The following RASA3 variants were observed in gnomAD, a reference collection of about 807,000 sequenced individuals.
RASA3 encodes ras GTPase-activating protein 3.
A neutral mutation model predicts 110.0 loss-of-function variants in RASA3; 73 were observed. The observed-to-expected ratio is 0.66, with a 90% confidence interval of 0.55 to 0.81. The LOEUF is 0.81. Ranked by LOEUF, RASA3 falls within the 30% of genes least tolerant of loss-of-function variation. RASA3 has a pLI of 0.00. For synonymous variants in RASA3, 500 were observed against 451.4 expected, an observed-to-expected ratio of 1.11 and a Z score of -1.37; for missense variants, 976 against 1,113.2, an observed-to-expected ratio of 0.88 and a Z score of 1.75.
chr13:114,030,848 T>C (rs2054150973), intron 4 of RASA3, among the ~76,000 whole-genome samples: 1 of 152,056 alleles, frequency 6.6e-6, no homozygotes, highest in South Asian at 2.1e-4. Flanking sequence ...CAGCTGTGTG[T>C]CCTCCTGTGT....
Position 114,067,228 on chromosome 13 carries a change from TGAG to T in RASA3, c.173+6489_173+6491del, listed in dbSNP as rs2079472396. Among the ~76,000 whole-genome samples, 9 of 148,580 alleles carry T rather than the reference TGAG, an allele frequency of 6.1e-5. No individual in the cohort carries two copies. The South Asian group carries it at 1.7e-3, about 29-fold the overall frequency. The stretch of plus-strand genomic sequence containing the variant: ...CCCCCACCTGGGGCACTTCTGGGGC[TGAG>T]GATGGGCCCCCACCTGCGGACACCC... On this transcript the variant is annotated intron_variant, in intron 2 of 23. Coordinates refer to ENST00000334062, the MANE Select transcript of RASA3 (RefSeq NM_007368.4).
At chr13:114,043,556 A>G (rs1372716464) in intron 3 of RASA3, among the ~76,000 whole-genome samples, 2 of 151,978 alleles carry the variant, frequency 1.3e-5, no homozygotes, top group Non-Finnish European at 2.9e-5. Flanking sequence ...CAGCCTGGTG[A>G]CCTCATCGGC....
At chr13:114,079,933 C>G (rs1053199716) in intron 1 of RASA3, among the ~76,000 whole-genome samples, 3 of 152,200 alleles carry the variant, frequency 2.0e-5, no homozygotes, top group Admixed American at 1.3e-4. Flanking sequence ...GGCCCCGAGG[C>G]AGGGGACACA....
intron 1 of RASA3, among the ~76,000 whole-genome samples, chr13:114,094,538 C>T (rs1030437713): frequency 6.6e-6 from 1 of 152,112 alleles, no homozygotes; most frequent in African/African-American, 2.4e-5. Context: ...TGTAAATGTG[C>T]TAAATGCCAC....
chr13:114,011,899 T>G lies in RASA3; in HGVS notation c.1513-651A>C, dbSNP rs1278638528. Reference sequence around the variant, plus strand: ...ATGGTACCACTGCACGCCAGCCTGGTGACAGAGCAAGACTCTGTCTCAAAA... The same window carrying G: ...ATGGTACCACTGCACGCCAGCCTGGGGACAGAGCAAGACTCTGTCTCAAAA... On this transcript the variant is annotated intron_variant, in intron 15 of 23. Transcript: ENST00000334062. This position sits in a 1 kb window ranked among gnomAD's most constrained non-coding sequence, Gnocchi z 4.8. 1.3e-5 allele frequency among the ~76,000 whole-genome samples: 2 copies of G among 151,734 alleles called. No individual in the cohort carries two copies. The highest frequency in any genetic ancestry group is 2.4e-5 in the African/African-American group (1 of 41,230).
At chr13:114,018,330 C>T (rs980706428) in intron 10 of RASA3, 78 bp from the exon 11 acceptor site, 5 of 1,460,018 alleles carry the variant, frequency 3.4e-6, no homozygotes, top group Non-Finnish European at 4.6e-6. Flanking sequence ...TGGCTGGGGT[C>T]TCACTTCCAG....
At position 114,008,023 on chromosome 13, in the gene RASA3, T is replaced by C. The variant is rs1328653951; in HGVS notation, c.1669-417A>G. On this transcript the variant is annotated intron_variant, in intron 17 of 23. Coordinates refer to ENST00000334062, the MANE Select transcript of RASA3 (RefSeq NM_007368.4). The stretch of plus-strand genomic sequence containing the variant: ...GAGGAGCAGAGCCCTGGGGCCTGGA[T>C]ATTCCCCCCACGCACCGCGTTCCTG... Among the ~76,000 whole-genome samples, 67 of 20,558 alleles carry C rather than the reference T, an allele frequency of 3.3e-3. 1 individual carries two copies. The highest frequency in any genetic ancestry group is 0.021 in the African/African-American group (34 of 1,638). 13.5% of individuals were successfully genotyped at this position (20,558 alleles called of 152,430 possible). A position where few individuals can be genotyped will look rare whatever the true frequency, so the allele number is the denominator to read the frequency against.
At chr13:114,082,400 C>T (rs572325465) in intron 1 of RASA3, among the ~76,000 whole-genome samples, 4 of 152,384 alleles carry the variant, frequency 2.6e-5, no homozygotes, top group African/African-American at 7.2e-5. Context: ...ACCCTAGTCT[C>T]TTATAACGGG....
chr13:114,068,516 G>A (rs1486062636), intron 2 of RASA3, among the ~76,000 whole-genome samples: 1 of 152,226 alleles, frequency 6.6e-6, no homozygotes, highest in Non-Finnish European at 1.5e-5. Context: ...TGTGTGTGAC[G>A]CCAGCTGTTC....
chr13:114,065,907 A>C lies in RASA3; in HGVS notation c.173+7813T>G, dbSNP rs1427094588. On this transcript the variant is annotated intron_variant, in intron 2 of 23. Coordinates refer to ENST00000334062, the MANE Select transcript of RASA3 (RefSeq NM_007368.4). This position sits in a 1 kb window ranked among gnomAD's most constrained non-coding sequence, Gnocchi z 4.1. ...GCTGTGAGTCTTCAAACGGAACCCA[A>C]AGACTCAGTGAGGAAAGCAGGCGGG... 1.3e-5 allele frequency among the ~76,000 whole-genome samples: 2 copies of C among 152,212 alleles called. No individual in the cohort carries two copies. Among genetic ancestry groups the C allele is most frequent in the African/African-American group, 4.8e-5 (2 of 41,452 alleles).
chr13:114,112,904 T>C lies in RASA3; in HGVS notation c.55+19531A>G, dbSNP rs532833857. On this transcript the variant is annotated intron_variant, in intron 1 of 23. Coordinates refer to ENST00000334062, the MANE Select transcript of RASA3 (RefSeq NM_007368.4). This position sits in a 1 kb window ranked among gnomAD's most constrained non-coding sequence, Gnocchi z 4.8. ...AGTGAATGAGAGGCCAGCAGGGGGC[T>C]GGGAAGGTGCTTAGCTCAGGGAGGG... 5.3e-5 allele frequency among the ~76,000 whole-genome samples: 8 copies of C among 152,032 alleles called. No homozygotes were observed. Among genetic ancestry groups the C allele is most frequent in the Non-Finnish European group, 1.0e-4 (7 of 67,944 alleles).
At chr13:114,008,312 T>C (rs1169350531) in intron 17 of RASA3, among the ~76,000 whole-genome samples, 2 of 63,264 alleles carry the variant, frequency 3.2e-5, no homozygotes, top group Admixed American at 1.4e-4. Context: ...AGCCCTGCGG[T>C]CTGGATGTTC....
intron 22 of RASA3, among the ~76,000 whole-genome samples, chr13:113,991,023 G>A (rs1200019342): frequency 7.0e-6 from 1 of 143,040 alleles, no homozygotes; most frequent in Non-Finnish European, 1.5e-5. Context: ...GATCAGGCGT[G>A]GCCAAGCTCA....
intron 2 of RASA3, among the ~76,000 whole-genome samples, chr13:114,070,560 C>T (rs1053633246): frequency 2.6e-5 from 4 of 152,204 alleles, no homozygotes; most frequent in Non-Finnish European, 4.4e-5. Context: ...GCGGCCAGCC[C>T]GCACAGCCCT....
chr13:114,009,939 G>A (rs928407569), intron 16 of RASA3, among the ~76,000 whole-genome samples: 1 of 152,222 alleles, frequency 6.6e-6, no homozygotes, highest in Non-Finnish European at 1.5e-5. Flanking sequence ...GGGATTCGGG[G>A]GGGCCTTTGC....
At chr13:114,108,516 C>T (rs147942289) in intron 1 of RASA3, 1,780 of 147,596 alleles carry the variant, frequency 0.012, 24 homozygotes, top group Middle Eastern at 0.048. Flanking sequence ...TCCATCACCC[C>T]ATGTCCATCA....
intron 2 of RASA3, among the ~76,000 whole-genome samples, chr13:114,066,665 G>A (rs1005732450): frequency 6.6e-6 from 1 of 152,208 alleles, no homozygotes; most frequent in Non-Finnish European, 1.5e-5. Context: ...GCTCTCCGCC[G>A]GCTGAGTTCC....
intron 4 of RASA3, among the ~76,000 whole-genome samples, chr13:114,038,671 G>C (rs1445682867): frequency 6.6e-6 from 1 of 152,168 alleles, no homozygotes; most frequent in East Asian, 1.9e-4. Flanking sequence ...CCTTGACCCA[G>C]TGAAGCGCAG....
chr13:113,994,093 CGTCT>C (rs1432425354), intron 21 of RASA3, among the ~76,000 whole-genome samples: 3 of 152,240 alleles, frequency 2.0e-5, no homozygotes, highest in Admixed American at 2.0e-4. Context: ...ATTTCTGAAA[CGTCT>C]GTAATTTTTT....
Sources: allele counts gnomAD v4.1 joint callset (sites outside exome capture counted in the v4.1 genomes callset), GRCh38; gene constraint gnomAD v4.1.1; non-coding constraint Gnocchi (gnomAD v3.1); transcripts MANE v1.5; gene names NCBI Gene and HGNC (gene_info 2026-07-23, HGNC 2026-07-21).